SMARCA2: variants seen among roughly 807,000 people sequenced by gnomAD.
SMARCA2 encodes SWI/SNF-related matrix-associated actin-dependent regulator of chromatin subfamily A member 2.
SMARCA2 carries 61 observed loss-of-function variants against 199.8 expected under a neutral mutation model. The observed-to-expected ratio is 0.31, with a 90% CI of 0.25 to 0.38. The LOEUF (loss-of-function observed/expected upper bound fraction) is 0.38, where lower values mean the gene tolerates loss of function less well. Among genes scored for constraint, SMARCA2 ranks in the 10% least tolerant of loss-of-function variants. The pLI, the probability that SMARCA2 is intolerant of heterozygous loss-of-function variation, is 1.00. For missense variants in SMARCA2, 1,344 were observed against 2,012.2 expected (o/e 0.67, Z 6.35); for synonymous variants, 935 against 732.0 (o/e 1.28, Z -4.48).
At chr9:2,111,141 G>T (rs1006641911) in intron 24 of SMARCA2, among the ~76,000 whole-genome samples, 1 of 151,572 alleles carries the variant, frequency 6.6e-6, no homozygotes, top group Non-Finnish European at 1.5e-5. Flanking sequence ...ATTGGGTAGG[G>T]TGATATTGGT....
chr9:2,077,812 TAA>T, intron 14 of SMARCA2, 36 bp downstream of exon 14: 1 of 1,567,458 alleles, frequency 6.4e-7, no homozygotes, highest in Non-Finnish European at 8.7e-7. Flanking sequence ...TGGCAAGTTG[TAA>T]CCATTTACCT....
Position 2,115,602 on chromosome 9 carries a change from A to G in SMARCA2, c.3457-220A>G, listed in dbSNP as rs1442558318. Reference sequence around the variant, plus strand: ...ACCTGGATTTCAAAACCTGAGATGTATTTCAGTTGGCTTGGTTAATTTCAA... The same window carrying G: ...ACCTGGATTTCAAAACCTGAGATGTGTTTCAGTTGGCTTGGTTAATTTCAA... On this transcript the variant is annotated intron_variant, in intron 24 of 33. Transcript: ENST00000349721. This position sits in a 1 kb window ranked among gnomAD's most constrained non-coding sequence, Gnocchi z 6.0. 6.6e-6 allele frequency among the ~76,000 whole-genome samples: 1 copy of G among 152,190 alleles called. No individual in the cohort carries two copies. The highest frequency in any genetic ancestry group is 1.5e-5 in the Non-Finnish European group (1 of 68,032).
At chr9:2,185,150 T>C (rs1485533101) in intron 31 of SMARCA2, among the ~76,000 whole-genome samples, 1 of 152,210 alleles carries the variant, frequency 6.6e-6, no homozygotes, top group African/African-American at 2.4e-5. Context: ...CTTGCGACTC[T>C]GAAACTGCGT....
At chr9:2,135,498 A>G (rs987767689) in intron 27 of SMARCA2, among the ~76,000 whole-genome samples, 1 of 152,126 alleles carries the variant, frequency 6.6e-6, no homozygotes, top group Non-Finnish European at 1.5e-5. Context: ...AGCCTGAACT[A>G]AGACATGCGT....
intron 4 of SMARCA2, chr9:2,044,434 A>G (rs995709566): frequency 2.0e-5 from 3 of 152,274 alleles, no homozygotes; most frequent in Non-Finnish European, 4.4e-5. Flanking sequence ...CAAAGTTGCC[A>G]GCTAATATGG....
intron 6 of SMARCA2, among the ~76,000 whole-genome samples, chr9:2,055,116 C>T (rs1427217794): frequency 2.0e-5 from 3 of 152,146 alleles, no homozygotes; most frequent in African/African-American, 7.2e-5. Context: ...GTGCTTGCCA[C>T]GACTGTGAAA....
At chr9:2,160,057 C>A in intron 27 of SMARCA2, 1 of 993,264 alleles carries the variant, frequency 1.0e-6, no homozygotes, top group Non-Finnish European at 1.5e-6. Flanking sequence ...TAACTGTTGA[C>A]AGCCTTGCAT....
intron 5 of SMARCA2, among the ~76,000 whole-genome samples, chr9:2,054,087 G>GC (rs1375135102): frequency 6.6e-6 from 1 of 152,186 alleles, no homozygotes; most frequent in Non-Finnish European, 1.5e-5. Flanking sequence ...GATTTCTGTG[G>GC]CATCAGCACC....
intron 32 of SMARCA2, among the ~76,000 whole-genome samples, chr9:2,188,912 C>G (rs1161142655): frequency 6.6e-6 from 1 of 152,188 alleles, no homozygotes. Flanking sequence ...CAACAGTGTT[C>G]TTTGGCTCAT....
chr9:2,176,727 A>AT (rs71491991), intron 29 of SMARCA2, among the ~76,000 whole-genome samples: 96,474 of 147,460 alleles, frequency 0.65, 31,224 homozygotes, highest in East Asian at 0.71. Flanking sequence ...TAAGTTTTGT[A>AT]TTTTTTTTTT....
chr9:2,183,467 C>G (rs901988820), intron 31 of SMARCA2, among the ~76,000 whole-genome samples: 1 of 152,190 alleles, frequency 6.6e-6, no homozygotes, highest in African/African-American at 2.4e-5. Context: ...TTATGTAGGA[C>G]TTTTTTCCTG....
chr9:2,191,190 G>GTGAT (rs1827854426), intron 32 of SMARCA2, 76 bp from the exon 33 acceptor site: 2 of 1,389,824 alleles, frequency 1.4e-6, no homozygotes, highest in South Asian at 1.2e-5. Context: ...CTGTAGGTTG[G>GTGAT]TGATAGTCTT....
intron 24 of SMARCA2, among the ~76,000 whole-genome samples, chr9:2,114,420 A>C (rs1387954915): frequency 6.6e-6 from 1 of 152,210 alleles, no homozygotes; most frequent in Non-Finnish European, 1.5e-5. Context: ...CTTGTGCTAC[A>C]ACAGGTGACC....
At chr9:2,142,554 G>A (rs1338428980) in intron 27 of SMARCA2, among the ~76,000 whole-genome samples, 2 of 152,170 alleles carry the variant, frequency 1.3e-5, no homozygotes, top group Admixed American at 1.3e-4. Context: ...GTTGAGTCTA[G>A]TGCAGGAGGT....
intron 29 of SMARCA2, among the ~76,000 whole-genome samples, chr9:2,173,755 A>C (rs1372816392): frequency 6.6e-6 from 1 of 152,138 alleles, no homozygotes; most frequent in East Asian, 1.9e-4. Context: ...TCTTGCTGTA[A>C]AGTCAGCTGT....
At chr9:2,174,023 A>ATACT (rs1447807307) in intron 29 of SMARCA2, among the ~76,000 whole-genome samples, 2 of 152,140 alleles carry the variant, frequency 1.3e-5, no homozygotes, top group Non-Finnish European at 2.9e-5. Flanking sequence ...TGGTGACTCG[A>ATACT]TACTTATTTA....
chr9:2,019,563 A>G (rs1377012948), intron 1 of SMARCA2, among the ~76,000 whole-genome samples: 1 of 151,500 alleles, frequency 6.6e-6, no homozygotes, highest in Non-Finnish European at 1.5e-5. Context: ...TATTTAAAGT[A>G]TTCCTGACAT....
rs76137226 is a variant in SMARCA2 at position 2,118,581 on chromosome 9, A to G, written c.3685-877A>G. Among the ~76,000 whole-genome samples the G allele has an allele frequency of 8.7e-4, 132 of 152,324 alleles. 2 individuals are homozygous for G. The East Asian group carries it at 0.024, about 28-fold the overall frequency. ...CACTGAAATTCCCCGTTTGATTTCT[A>G]ACAAGCCCACTCAGCATATGATAAA... On this transcript the variant is annotated intron_variant, in intron 25 of 33. Coordinates refer to ENST00000349721, the MANE Select transcript of SMARCA2 (RefSeq NM_003070.5).
chr9:2,118,455 C>CA (rs1823312182), intron 25 of SMARCA2, among the ~76,000 whole-genome samples: 1 of 149,946 alleles, frequency 6.7e-6, no homozygotes, highest in African/African-American at 2.5e-5. Context: ...CTAGTACACT[C>CA]ATACTCTTTC....
Sources: allele counts gnomAD v4.1 joint callset (sites outside exome capture counted in the v4.1 genomes callset), GRCh38; gene constraint gnomAD v4.1.1; non-coding constraint Gnocchi (gnomAD v3.1); transcripts MANE v1.5; gene names NCBI Gene and HGNC (gene_info 2026-07-23, HGNC 2026-07-21).